The following TXLNB variants were observed in gnomAD, a reference collection of about 807,000 sequenced individuals.
The protein encoded by TXLNB is taxilin beta.
Under a neutral mutation model 57.4 loss-of-function variants are expected in TXLNB, and 37 were observed. That is an observed-to-expected ratio of 0.64 (90% CI 0.50 to 0.85). The LOEUF (loss-of-function observed/expected upper bound fraction) is 0.85. Ranked by LOEUF, TXLNB falls within the 40% of genes least tolerant of loss-of-function variation. The pLI is 0.00. For synonymous variants in TXLNB, 302 were observed against 309.6 expected, an observed-to-expected ratio of 0.98 and a Z score of 0.26; for missense variants, 848 against 825.6, an observed-to-expected ratio of 1.03 and a Z score of -0.33.
At chr6:139,261,715 G>C (rs1283820013) in intron 5 of TXLNB, among the ~76,000 whole-genome samples, 2 of 151,862 alleles carry the variant, frequency 1.3e-5, no homozygotes, top group Non-Finnish European at 2.9e-5. Context: ...TATAAGATAT[G>C]GATAATATAT....
At chr6:139,173,979 G>T in the TXLNB span, among the ~76,000 whole-genome samples, 1 of 152,280 alleles carries the variant, frequency 6.6e-6, no homozygotes, top group Non-Finnish European at 1.5e-5. Flanking sequence ...AAGAGAGCTT[G>T]TGACAAGATC....
chr6:139,223,583 C>A, the TXLNB span, among the ~76,000 whole-genome samples: 1 of 151,576 alleles, frequency 6.6e-6, no homozygotes, highest in East Asian at 1.9e-4. Context: ...TACAATGAAC[C>A]CAAACAAATT....
chr6:139,193,285 T>A, the TXLNB span, among the ~76,000 whole-genome samples: 1 of 147,574 alleles, frequency 6.8e-6, no homozygotes, highest in Admixed American at 6.9e-5. Flanking sequence ...GATCTCAGTC[T>A]GTTTCATGGC....
the TXLNB span, among the ~76,000 whole-genome samples, chr6:139,209,829 C>T: frequency 6.6e-6 from 1 of 152,072 alleles, no homozygotes; most frequent in Non-Finnish European, 1.5e-5. Flanking sequence ...TGACTAAGAA[C>T]TCAAAAGCAA....
chr6:139,315,003 C>T, the TXLNB span, among the ~76,000 whole-genome samples: 1 of 152,018 alleles, frequency 6.6e-6, no homozygotes, highest in East Asian at 1.9e-4. Flanking sequence ...GTCATGCAGC[C>T]CTTGGTTCCA....
intron 4 of TXLNB, among the ~76,000 whole-genome samples, chr6:139,263,395 AT>A (rs1377137998): frequency 1.3e-5 from 2 of 152,238 alleles, no homozygotes; most frequent in Non-Finnish European, 2.9e-5. Flanking sequence ...GCTGGATATT[AT>A]TTTGTTTTTG....
At chr6:139,247,732 T>C in intron 8 of TXLNB, 85 bp downstream of exon 8, 4 of 933,522 alleles carry the variant, frequency 4.3e-6, no homozygotes, top group Non-Finnish European at 5.0e-6. Context: ...CCAAAATATC[T>C]TAGTGAGAGA....
the TXLNB span, among the ~76,000 whole-genome samples, chr6:139,231,419 T>TGGTCGTGA: frequency 6.6e-6 from 1 of 152,106 alleles, no homozygotes; most frequent in East Asian, 1.9e-4. Context: ...AAGGTGTGGG[T>TGGTCGTGA]GGTCGTGAAA....
At chr6:139,205,703 A>G in the TXLNB span, among the ~76,000 whole-genome samples, 1 of 152,294 alleles carries the variant, frequency 6.6e-6, no homozygotes, top group South Asian at 2.1e-4. Flanking sequence ...TCCAAACCTA[A>G]GAATATTTGG....
At chr6:139,323,458 A>G in the TXLNB span, among the ~76,000 whole-genome samples, 2 of 147,446 alleles carry the variant, frequency 1.4e-5, no homozygotes, top group Admixed American at 6.6e-5. Flanking sequence ...AATTTTTTGT[A>G]TTTTTAGTAG....
chr6:139,170,820 A>T, the TXLNB span, among the ~76,000 whole-genome samples: 1 of 152,138 alleles, frequency 6.6e-6, no homozygotes, highest in Non-Finnish European at 1.5e-5. Context: ...AAGGTGCGGG[A>T]AAGGGGTTTG....
chr6:139,235,756 C>A (rs1312006706), downstream of TXLNB, among the ~76,000 whole-genome samples: 4 of 151,996 alleles, frequency 2.6e-5, no homozygotes, highest in East Asian at 7.7e-4. Context: ...CGCCCAAATG[C>A]TGCATTTTCC....
At chr6:139,210,867 C>A in the TXLNB span, among the ~76,000 whole-genome samples, 1 of 152,224 alleles carries the variant, frequency 6.6e-6, no homozygotes, top group African/African-American at 2.4e-5. Flanking sequence ...CCTACGCCCA[C>A]GGAGCCTCAC....
intron 7 of TXLNB, among the ~76,000 whole-genome samples, chr6:139,255,186 A>C (rs936082469): frequency 6.6e-6 from 1 of 152,114 alleles, no homozygotes; most frequent in African/African-American, 2.4e-5. Flanking sequence ...CCAGTCATAG[A>C]TGGTGCATCT....
At chr6:139,184,109 A>G in the TXLNB span, among the ~76,000 whole-genome samples, 2 of 152,208 alleles carry the variant, frequency 1.3e-5, no homozygotes, top group African/African-American at 4.8e-5. Flanking sequence ...ATGGCTGCTT[A>G]TGTTTGCTAC....
At chr6:139,258,816 G>A (rs1776409082) in intron 6 of TXLNB, among the ~76,000 whole-genome samples, 1 of 152,128 alleles carries the variant, frequency 6.6e-6, no homozygotes. Context: ...TGGGCTTTGG[G>A]AACAGACGCA....
At chr6:139,198,673 G>A in the TXLNB span, among the ~76,000 whole-genome samples, 1 of 152,180 alleles carries the variant, frequency 6.6e-6, no homozygotes, top group African/African-American at 2.4e-5. Context: ...CAGGAGAAGG[G>A]AAGGATAATT....
the TXLNB span, among the ~76,000 whole-genome samples, chr6:139,193,241 CTT>C: frequency 1.2e-3 from 126 of 101,232 alleles, no homozygotes; most frequent in African/African-American, 3.9e-3. Context: ...CTTTGACCCT[CTT>C]TTTTTTTTTT....
At chr6:139,173,920 C>T in the TXLNB span, among the ~76,000 whole-genome samples, 1 of 152,188 alleles carries the variant, frequency 6.6e-6, no homozygotes, top group Non-Finnish European at 1.5e-5. Flanking sequence ...TAATTCTGGG[C>T]TATCAGTCCC....
Sources: gnomAD v4.1 joint callset for allele counts (sites outside exome capture counted in the v4.1 genomes callset) on GRCh38, gnomAD v4.1.1 for gene constraint, MANE v1.5 for transcripts, NCBI Gene and HGNC (gene_info 2026-07-23, HGNC 2026-07-21) for gene names.